The following PRKACB variants were observed in gnomAD, a reference collection of about 807,000 sequenced individuals.
The protein encoded by PRKACB is cAMP-dependent protein kinase catalytic subunit beta.
PRKACB carries 16 observed loss-of-function variants against 51.4 expected under a neutral mutation model. The observed-to-expected ratio is 0.31, with a 90% CI of 0.21 to 0.47. The LOEUF is 0.47. Ranked by LOEUF, PRKACB falls within the 20% of genes least tolerant of loss-of-function variation. PRKACB has a pLI of 1.00. For synonymous variants in PRKACB, 147 were observed against 154.4 expected, an observed-to-expected ratio of 0.95 and a Z score of 0.35; for missense variants, 309 against 464.5, an observed-to-expected ratio of 0.67 and a Z score of 3.08.
intron 1 of PRKACB, among the ~76,000 whole-genome samples, chr1:84,078,543 C>G (rs1254449621): frequency 3.9e-5 from 6 of 152,226 alleles, no homozygotes; most frequent in Admixed American, 2.0e-4. Context: ...ATTCCGACCC[C>G]CCAGCTCCGC....
At chr1:84,203,327 G>C (rs1450524946) in intron 8 of PRKACB, among the ~76,000 whole-genome samples, 1 of 151,922 alleles carries the variant, frequency 6.6e-6, no homozygotes, top group Non-Finnish European at 1.5e-5. Context: ...TTGGTTTTTA[G>C]CAAACATGGA....
chr1:84,180,816 G>A (rs1170721906), intron 2 of PRKACB, among the ~76,000 whole-genome samples: 1 of 151,832 alleles, frequency 6.6e-6, no homozygotes, highest in African/African-American at 2.4e-5. Context: ...GAGAGGTAAG[G>A]AAGATAACAT....
chr1:84,196,534 A>G, intron 5 of PRKACB, 82 bp from the exon 6 acceptor site: 1 of 1,380,254 alleles, frequency 7.2e-7, no homozygotes, highest in South Asian at 1.5e-5. Context: ...CCTCTACTTC[A>G]TATTAGTTTT....
chr1:84,109,346 A>G (rs1650029126), intron 1 of PRKACB, among the ~76,000 whole-genome samples: 1 of 152,006 alleles, frequency 6.6e-6, no homozygotes, highest in African/African-American at 2.4e-5. Context: ...CTAGCATTGC[A>G]TGAGGGTTCT....
intron 8 of PRKACB, among the ~76,000 whole-genome samples, chr1:84,211,929 A>T (rs1672197639): frequency 6.6e-6 from 1 of 152,206 alleles, no homozygotes; most frequent in African/African-American, 2.4e-5. Context: ...ATAATCTAGG[A>T]TAATAAAGGG....
chr1:84,085,201 A>G (rs968143242), intron 1 of PRKACB, among the ~76,000 whole-genome samples: 1 of 152,218 alleles, frequency 6.6e-6, no homozygotes, highest in East Asian at 1.9e-4. Context: ...GTTATACAGG[A>G]TAGTGGAAAG....
intron 1 of PRKACB, among the ~76,000 whole-genome samples, chr1:84,104,730 C>T (rs1649600687): frequency 6.6e-6 from 1 of 152,018 alleles, no homozygotes; most frequent in African/African-American, 2.4e-5. Flanking sequence ...TTTTCATATA[C>T]CTGTGGCCAT....
chr1:84,136,260 CAG>C lies in PRKACB; in HGVS notation c.47-42915_47-42914del, dbSNP rs1222632001. Among the ~76,000 whole-genome samples, 6 of 151,788 alleles carry C rather than the reference CAG, an allele frequency of 4.0e-5. No homozygotes were observed. In the East Asian group the frequency reaches 1.2e-3, roughly 29 times the overall value. ...TTTAAAAATTATAATTAATAATTTT[CAG>C]AAAAAGAAAGAATCAGGACCAGATG... is the stretch of plus-strand genomic sequence containing the variant. On this transcript the variant is annotated intron_variant, in intron 1 of 8. Coordinates refer to the PRKACB transcript ENST00000370688.
chr1:84,199,087 GCGTATATATGCATATATGTA>G (rs1669199675), intron 7 of PRKACB, among the ~76,000 whole-genome samples: 1 of 138,824 alleles, frequency 7.2e-6, no homozygotes, highest in East Asian at 2.1e-4. Context: ...GTATATATAT[GCGTATATATGCATATATGTA>G]TATATATGCA....
chr1:84,149,617 A>G (rs184029500), intron 1 of PRKACB, among the ~76,000 whole-genome samples: 4 of 152,294 alleles, frequency 2.6e-5, no homozygotes, highest in African/African-American at 4.8e-5. Context: ...TTTTCTTTAT[A>G]AAGAGTTGTT....
At chr1:84,173,198 T>C in intron 1 of PRKACB, 1 of 551,860 alleles carries the variant, frequency 1.8e-6, no homozygotes, top group Admixed American at 4.1e-5. Flanking sequence ...ACATTTTTGG[T>C]ATGTATGTTC....
chr1:84,113,387 G>T (rs1650388176), intron 1 of PRKACB, among the ~76,000 whole-genome samples: 1 of 152,158 alleles, frequency 6.6e-6, no homozygotes, highest in Admixed American at 6.5e-5. Flanking sequence ...TGGTGAGGAT[G>T]CAAAGGCATG....
intron 1 of PRKACB, among the ~76,000 whole-genome samples, chr1:84,110,855 G>A (rs531245375): frequency 6.6e-6 from 1 of 152,084 alleles, no homozygotes; most frequent in Non-Finnish European, 1.5e-5. Flanking sequence ...TGGTGAAAAT[G>A]ATGCACCTCT....
At chr1:84,199,121 A>G (rs1038624081) in intron 7 of PRKACB, among the ~76,000 whole-genome samples, 1 of 124,394 alleles carries the variant, frequency 8.0e-6, no homozygotes, top group Non-Finnish European at 1.8e-5. Flanking sequence ...ATATGCATAT[A>G]TATATATATA....
intron 1 of PRKACB, among the ~76,000 whole-genome samples, chr1:84,107,782 A>C (rs1173890251): frequency 6.6e-6 from 1 of 152,028 alleles, no homozygotes; most frequent in Non-Finnish European, 1.5e-5. Context: ...CAAAACCACA[A>C]GATACCATCT....
At chr1:84,118,860 A>T (rs1650835751) in intron 1 of PRKACB, among the ~76,000 whole-genome samples, 1 of 152,180 alleles carries the variant, frequency 6.6e-6, no homozygotes. Context: ...TTTATATACC[A>T]AAAGTAGTTG....
chr1:84,214,538 G>A (rs1324623345), intron 9 of PRKACB, among the ~76,000 whole-genome samples: 1 of 139,794 alleles, frequency 7.2e-6, no homozygotes, highest in Non-Finnish European at 1.5e-5. Context: ...TGTAGTCCAC[G>A]CTGGAGTGCA....
intron 9 of PRKACB, among the ~76,000 whole-genome samples, chr1:84,225,812 C>A (rs1257295801): frequency 6.6e-6 from 1 of 152,172 alleles, no homozygotes; most frequent in Non-Finnish European, 1.5e-5. Flanking sequence ...TACTGGAGAA[C>A]CTCTTGTGGC....
chr1:84,148,261 A>G (rs780753055), intron 1 of PRKACB, among the ~76,000 whole-genome samples: 31 of 152,222 alleles, frequency 2.0e-4, no homozygotes, highest in Middle Eastern at 6.8e-3. Flanking sequence ...CAAAACCACC[A>G]ATGTATCCTA....
Sources: allele counts gnomAD v4.1 joint callset (sites outside exome capture counted in the v4.1 genomes callset), GRCh38; gene constraint gnomAD v4.1.1; transcripts MANE v1.5; gene names NCBI Gene and HGNC (gene_info 2026-07-23, HGNC 2026-07-21).